Variants in ZNF713 observed in about 807,000 individuals in gnomAD.
The protein encoded by ZNF713 is zinc finger protein 713.
Under a neutral mutation model 28.7 loss-of-function variants are expected in ZNF713, and 21 were observed. That is an observed-to-expected ratio of 0.73 (90% CI 0.52 to 1.05). The LOEUF is 1.05. Among genes scored for constraint, ZNF713 ranks in the 50% least tolerant of loss-of-function variants. The pLI, the probability that ZNF713 is intolerant of heterozygous loss-of-function variation, is 0.00. For synonymous variants in ZNF713, 167 were observed against 178.0 expected (o/e 0.94, Z 0.49); for missense variants, 458 against 532.4 (o/e 0.86, Z 1.37).
chr7:55,936,148 C>T (rs1012076019), intron 6 of ZNF713, among the ~76,000 whole-genome samples: 1 of 151,422 alleles, frequency 6.6e-6, no homozygotes, highest in Admixed American at 6.6e-5. Flanking sequence ...ACCTGTAGTC[C>T]CAGCTACTCG....
chr7:55,903,372 A>C (rs1169660123), intron 1 of ZNF713, among the ~76,000 whole-genome samples: 1 of 152,096 alleles, frequency 6.6e-6, no homozygotes, highest in Non-Finnish European at 1.5e-5. Flanking sequence ...GATTTAAAAA[A>C]AAAAATGCTG....
At chr7:55,889,614 G>C (rs1310673542) in intron 1 of ZNF713, among the ~76,000 whole-genome samples, 1 of 152,180 alleles carries the variant, frequency 6.6e-6, no homozygotes, top group Non-Finnish European at 1.5e-5. Flanking sequence ...AAATGTTCTA[G>C]TTCCTTAGTG....
chr7:55,908,831 T>G (rs1054128174), intron 2 of ZNF713, among the ~76,000 whole-genome samples: 3 of 152,166 alleles, frequency 2.0e-5, no homozygotes, highest in African/African-American at 7.2e-5. Flanking sequence ...TTCCTAGGTT[T>G]TCTTCCAGGT....
Position 55,940,646 on chromosome 7 carries a change from C to A in ZNF713, c.*640C>A. ...ATCCCAGCTACTCTGGAGACTGAGG[C>A]ATGAGAATGACTTGAACATGGGAGG... On this transcript the variant is annotated 3_prime_UTR_variant, in exon 7 of 7. Transcript: ENST00000429591. 1 of 785,844 alleles carries A rather than the reference C, an allele frequency of 1.3e-6. No individual in the cohort carries two copies. Among genetic ancestry groups the A allele is most frequent in the Non-Finnish European group, 1.5e-6 (1 of 648,906 alleles). The allele number at this position is 785,844 out of a possible 1,614,324, so 48.7% of individuals were successfully genotyped here. A position where few individuals can be genotyped will look rare whatever the true frequency, so the allele number is the denominator to read the frequency against.
chr7:55,887,843 GGCGGC>G (rs1398844757), intron 1 of ZNF713, among the ~76,000 whole-genome samples, 163 bp downstream of exon 1: 333 of 12,838 alleles, frequency 0.026, 84 homozygotes, highest in African/African-American at 0.038. Flanking sequence ...GGCGGCGGGC[GGCGGC>G]GGCGGCGGGC....
In ZNF713 at chr7:55,929,004, AAC is replaced by A. The variant is rs931369156; in HGVS notation, c.307+5310_307+5311del. On this transcript the variant is annotated intron_variant, in intron 6 of 6. Coordinates refer to ENST00000429591, the MANE Select transcript of ZNF713 (RefSeq NM_182633.3). ...AAAAAAAAAAATAGCCAGGTGTGGT[AAC>A]ACACGCCTGTAGTCCCAGCCACTCA... 2.1e-4 allele frequency among the ~76,000 whole-genome samples: 32 copies of A among 151,284 alleles called. No individual in the cohort carries two copies. The East Asian group carries it at 2.7e-3, about 13-fold the overall frequency.
chr7:55,905,156 A>G (rs28636652), intron 1 of ZNF713, among the ~76,000 whole-genome samples: 42,657 of 152,132 alleles, frequency 0.28, 6,389 homozygotes, highest in Middle Eastern at 0.38. Context: ...TGACTGAAGT[A>G]GAAAGATAGT....
At chr7:55,888,287 G>T (rs1181725752) in intron 1 of ZNF713, among the ~76,000 whole-genome samples, 2 of 152,026 alleles carry the variant, frequency 1.3e-5, no homozygotes, top group East Asian at 3.9e-4. Flanking sequence ...TTCTCTCATT[G>T]CCTTGCTGTT....
chr7:55,914,369 G>GT (rs1235093951), intron 4 of ZNF713, among the ~76,000 whole-genome samples: 2 of 151,786 alleles, frequency 1.3e-5, no homozygotes, highest in East Asian at 1.9e-4. Context: ...TTTGTTTTTT[G>GT]TTTTTTGTAG....
chr7:55,932,861 G>A (rs1238169954), intron 6 of ZNF713, among the ~76,000 whole-genome samples: 6 of 121,554 alleles, frequency 4.9e-5, no homozygotes, highest in South Asian at 3.0e-4. Context: ...TCCGCAGTCC[G>A]GCCTGGGCGA....
chr7:55,902,941 C>T (rs1205600513), intron 1 of ZNF713, among the ~76,000 whole-genome samples: 4 of 145,282 alleles, frequency 2.8e-5, no homozygotes, highest in Non-Finnish European at 4.5e-5. Flanking sequence ...TACAGTGAGC[C>T]GAGACCTCAC....
chr7:55,923,635 C>T lies in ZNF713; in HGVS notation c.243C>T (p.Ile81=), dbSNP rs376204033. Residue 81 remains isoleucine, a synonymous_variant, in exon 6 of 7, where the codon ATC becomes ATT. Transcript: ENST00000429591. ...ATCAGCTTTGTAAGCCAGAGGTAAT[C>T]GCGCAGTTGGAGCTAGAGGAAGAAT... ...LGYQLCKPEV[I]AQLELEEEWV... is the part of the protein sequence containing the mutation. 21 of 1,609,626 alleles carry T rather than the reference C, an allele frequency of 1.3e-5. No homozygotes were observed. The highest frequency in any genetic ancestry group is 2.7e-5 in the African/African-American group (2 of 74,896).
intron 1 of ZNF713, among the ~76,000 whole-genome samples, chr7:55,896,599 G>GTATA (rs201793948): frequency 3.8e-5 from 5 of 131,256 alleles, no homozygotes; most frequent in African/African-American, 1.4e-4. Context: ...GTGTGTGTGT[G>GTATA]TGTATATATA....
rs1453326613 is a variant in ZNF713 at position 55,912,648 on chromosome 7, G to A, written c.12G>A (p.Gln4=). The A allele has an allele frequency of 2.5e-6, 4 of 1,612,080 alleles. No homozygotes were observed. The African/African-American group carries it at 5.3e-5, about 22-fold the overall frequency. The change falls in exon 4 of 7, where the codon CAG becomes CAA. Residue 4 remains glutamine (Q), a synonymous_variant. Transcript: ENST00000429591. The part of the protein sequence containing the change: MPS[Q]NAVFSQEGNM... Reference sequence around the variant, plus strand: ...TCTTTTTCCTAGTTATGCCTTCTCAGAATGCTGTTTTTTCTCAGGAGGGGA... The same window carrying A: ...TCTTTTTCCTAGTTATGCCTTCTCAAAATGCTGTTTTTTCTCAGGAGGGGA...
At chr7:55,913,636 G>A (rs1000712668) in intron 4 of ZNF713, among the ~76,000 whole-genome samples, 47 of 152,144 alleles carry the variant, frequency 3.1e-4, no homozygotes, top group African/African-American at 1.1e-3. Context: ...TTTAAAAATT[G>A]CTATCAAATT....
intron 1 of ZNF713, among the ~76,000 whole-genome samples, chr7:55,888,194 T>A (rs886929371): frequency 2.0e-5 from 3 of 152,182 alleles, no homozygotes; most frequent in Non-Finnish European, 2.9e-5. Context: ...AAAGAATTTT[T>A]AAAATATTTT....
At chr7:55,920,843 G>T (rs148621665) in intron 4 of ZNF713, among the ~76,000 whole-genome samples, 2,131 of 151,988 alleles carry the variant, frequency 0.014, 27 homozygotes, top group Middle Eastern at 0.051. Context: ...CTGGTCTCGA[G>T]CTCCTGACCT....
chr7:55,910,988 G>C (rs1267900462), intron 2 of ZNF713, among the ~76,000 whole-genome samples: 1 of 152,196 alleles, frequency 6.6e-6, no homozygotes, highest in Non-Finnish European at 1.5e-5. Flanking sequence ...CTTCTTCCAA[G>C]CTTATGCTTA....
In ZNF713 at chr7:55,939,033, C is replaced by T. The variant is rs1183652952; in HGVS notation, c.359C>T (p.Ser120Phe). The T allele has an allele frequency of 6.2e-7, 1 of 1,605,540 alleles. No individual in the cohort carries two copies. Among genetic ancestry groups the T allele is most frequent in the Admixed American group, 1.7e-5 (1 of 58,382 alleles). ...IKKSTTSQNI[S>F]DENQTHEMIM... ...AAGTCAACCACAAGCCAGAATATTT[C>T]TGATGAAAATCAAACCCATGAGATG... Residue 120 changes from serine to phenylalanine, a missense_variant, in exon 7 of 7, where the codon TCT becomes TTT. Coordinates refer to ENST00000429591, the MANE Select transcript of ZNF713 (RefSeq NM_182633.3).
Sources: allele counts gnomAD v4.1 joint callset (sites outside exome capture counted in the v4.1 genomes callset), GRCh38; gene constraint gnomAD v4.1.1; transcripts MANE v1.5; gene names NCBI Gene and HGNC (gene_info 2026-07-23, HGNC 2026-07-21).